Variants in SLC1A1 observed in about 807,000 individuals in gnomAD.
SLC1A1 encodes solute carrier family 1 member 1.
A neutral mutation model predicts 53.3 loss-of-function variants in SLC1A1; 43 were observed. The observed-to-expected ratio is 0.81, with a 90% CI of 0.63 to 1.04. The LOEUF (loss-of-function observed/expected upper bound fraction) is 1.04, where lower values mean the gene tolerates loss of function less well. Ranked by LOEUF, SLC1A1 falls within the 50% of genes least tolerant of loss-of-function variation. The pLI is 0.00. For synonymous variants in SLC1A1, 307 were observed against 243.2 expected (o/e 1.26, Z -2.44); for missense variants, 748 against 664.9 (o/e 1.12, Z -1.37).
At chr9:4,561,204 G>C (rs565767028) in intron 2 of SLC1A1, among the ~76,000 whole-genome samples, 16 of 152,322 alleles carry the variant, frequency 1.1e-4, no homozygotes, top group African/African-American at 3.4e-4. Context: ...TCTGAAGGCA[G>C]GACACTCCTG....
chr9:4,550,331 G>C (rs990005232), intron 2 of SLC1A1, among the ~76,000 whole-genome samples: 1 of 152,172 alleles, frequency 6.6e-6, no homozygotes. Flanking sequence ...TTTCATGTTA[G>C]GATTTCAAAA....
At chr9:4,531,302 C>A (rs1179624202) in intron 1 of SLC1A1, among the ~76,000 whole-genome samples, 1 of 152,168 alleles carries the variant, frequency 6.6e-6, no homozygotes, top group Non-Finnish European at 1.5e-5. Context: ...AATTCCCTTT[C>A]CTAGTCAAAG....
At chr9:4,496,345 T>C (rs1820420267) in intron 1 of SLC1A1, among the ~76,000 whole-genome samples, 1 of 151,982 alleles carries the variant, frequency 6.6e-6, no homozygotes, top group African/African-American at 2.4e-5. Context: ...TGTGAAAGAA[T>C]TCAGAGAAAG....
At position 4,585,906 on chromosome 9, in the gene SLC1A1, G is replaced by T; in HGVS notation, c.*348G>T. 4 of 204,326 alleles carry T rather than the reference G, an allele frequency of 2.0e-5. No homozygotes were observed. Among genetic ancestry groups the T allele is most frequent in the South Asian group, 9.2e-5 (1 of 10,834 alleles). The allele number at this position is 204,326 out of a possible 1,614,324, so 12.7% of individuals were successfully genotyped here. ...TTCTCATGCATAGACAAGTGTTTTG[G>T]GTTTTTAAAAAAAATATTCTGTCAT... On this transcript the variant is annotated 3_prime_UTR_variant, in exon 12 of 12. Transcript: ENST00000262352.
chr9:4,577,264 A>G (rs1449098792), intron 10 of SLC1A1, among the ~76,000 whole-genome samples: 1 of 152,188 alleles, frequency 6.6e-6, no homozygotes, highest in African/African-American at 2.4e-5. Flanking sequence ...AAAAGCTAGG[A>G]GCATTTGGAG....
intron 1 of SLC1A1, among the ~76,000 whole-genome samples, chr9:4,535,920 C>T (rs1173432028): frequency 1.1e-4 from 17 of 152,042 alleles, no homozygotes; most frequent in Non-Finnish European, 1.9e-4. Context: ...CTTTGACAAA[C>T]CTGACAAAAA....
chr9:4,535,105 T>G (rs1375821892), intron 1 of SLC1A1, among the ~76,000 whole-genome samples: 1 of 152,180 alleles, frequency 6.6e-6, no homozygotes, highest in African/African-American at 2.4e-5. Context: ...AATATCATAC[T>G]GAATGGGCAA....
intron 1 of SLC1A1, among the ~76,000 whole-genome samples, chr9:4,517,245 C>T (rs564971591): frequency 6.6e-6 from 1 of 152,314 alleles, no homozygotes; most frequent in East Asian, 1.9e-4. Flanking sequence ...CTCTCACATC[C>T]AAGGTTCATC....
At chr9:4,562,858 A>G (rs1385511478) in intron 3 of SLC1A1, among the ~76,000 whole-genome samples, 1 of 151,408 alleles carries the variant, frequency 6.6e-6, no homozygotes, top group Admixed American at 6.6e-5. Context: ...GCTATTGTGA[A>G]TAATGCCGCA....
chr9:4,522,054 CTTTTTTTTTTTTT>C (rs574251219), intron 1 of SLC1A1, among the ~76,000 whole-genome samples: 1 of 23,364 alleles, frequency 4.3e-5, no homozygotes, highest in Non-Finnish European at 1.0e-4. Context: ...TTTTTTTTTT[CTTTTTTTTTTTTT>C]TTGAGATGGA....
chr9:4,498,000 T>C (rs1820497708), intron 1 of SLC1A1, among the ~76,000 whole-genome samples: 1 of 152,222 alleles, frequency 6.6e-6, no homozygotes. Flanking sequence ...TGAAATTGAT[T>C]ACTGCTGTCT....
At chr9:4,543,051 A>G (rs758617134) in intron 1 of SLC1A1, among the ~76,000 whole-genome samples, 1 of 152,218 alleles carries the variant, frequency 6.6e-6, no homozygotes. Context: ...AAATTAAGCT[A>G]AGGATAAGGT....
rs12236487 is a variant in SLC1A1 at position 4,563,054 on chromosome 9, C to T, written c.326-1290C>T. 1.1e-3 allele frequency among the ~76,000 whole-genome samples: 164 copies of T among 148,432 alleles called. 2 individuals carry two copies. In the East Asian group the frequency reaches 0.029, roughly 27 times the overall value. ...TAGTGGGTGCAGCGCACCAGCATGG[C>T]ACATGTATACATATGTAACTAACCT... On this transcript the variant is annotated intron_variant, in intron 3 of 11. Transcript: ENST00000262352.
intron 1 of SLC1A1, among the ~76,000 whole-genome samples, chr9:4,492,751 G>A (rs536641223): frequency 2.5e-4 from 38 of 151,768 alleles, no homozygotes; most frequent in Non-Finnish European, 4.4e-4. Context: ...AGCCGTGATC[G>A]TGACTCTGCA....
intron 1 of SLC1A1, among the ~76,000 whole-genome samples, chr9:4,500,146 T>C (rs1478795816): frequency 6.6e-6 from 1 of 152,162 alleles, no homozygotes; most frequent in Admixed American, 6.5e-5. Context: ...GCCTGAGGTA[T>C]TGCAAATTTC....
chr9:4,521,774 C>A (rs560221497), intron 1 of SLC1A1, among the ~76,000 whole-genome samples: 1 of 152,194 alleles, frequency 6.6e-6, no homozygotes, highest in South Asian at 2.1e-4. Flanking sequence ...AGGGAAGGGG[C>A]AAGTGCAGTT....
intron 7 of SLC1A1, 150 bp downstream of exon 7, chr9:4,572,538 T>C (rs148386220): frequency 2.2e-5 from 17 of 776,332 alleles, no homozygotes; most frequent in Middle Eastern, 2.5e-4. Flanking sequence ...GTGGGGGCTT[T>C]TGTTGCTGTT....
intron 4 of SLC1A1, 116 bp downstream of exon 4, chr9:4,564,574 T>G: frequency 1.3e-6 from 1 of 744,888 alleles, no homozygotes; most frequent in Non-Finnish European, 2.4e-6. Context: ...TTTTGAATTA[T>G]TGTGCACTTT....
At chr9:4,541,193 G>T (rs1221358711) in intron 1 of SLC1A1, among the ~76,000 whole-genome samples, 1 of 152,166 alleles carries the variant, frequency 6.6e-6, no homozygotes, top group East Asian at 1.9e-4. Flanking sequence ...TTGTCAACCT[G>T]AAATAATCAA....
Sources: gnomAD v4.1 joint callset for allele counts (sites outside exome capture counted in the v4.1 genomes callset) on GRCh38, gnomAD v4.1.1 for gene constraint, MANE v1.5 for transcripts, NCBI Gene and HGNC (gene_info 2026-07-23, HGNC 2026-07-21) for gene names.